Variants in UPK3A observed in about 807,000 individuals in gnomAD.
The protein encoded by UPK3A is uroplakin 3A, also known as uroplakin-3a.
In UPK3A, 32 loss-of-function variants were observed where a neutral mutation model predicts 27.6. The observed-to-expected ratio is 1.16, with a 90% CI of 0.87 to 1.55. The LOEUF (loss-of-function observed/expected upper bound fraction) is 1.55. Among genes scored for constraint, UPK3A ranks in the 40% most tolerant of loss-of-function variants. UPK3A has a pLI of 0.00. For synonymous variants in UPK3A, 171 were observed against 163.9 expected (o/e 1.04, Z -0.33); for missense variants, 370 against 367.9 (o/e 1.01, Z -0.05).
At chr22:45,292,896 A>C (rs1020819223) in intron 4 of UPK3A, among the ~76,000 whole-genome samples, 9 of 151,802 alleles carry the variant, frequency 5.9e-5, no homozygotes, top group African/African-American at 2.2e-4. Context: ...TGACAGAGCA[A>C]GACTCTGTCT....
At chr22:45,288,744 G>A (rs1395544291) in intron 3 of UPK3A, among the ~76,000 whole-genome samples, 1 of 152,248 alleles carries the variant, frequency 6.6e-6, no homozygotes, top group Non-Finnish European at 1.5e-5. Context: ...ACTATGCCAC[G>A]TGTGTTACAT....
chr22:45,295,478 A>G, intron 5 of UPK3A, 82 bp from the exon 6 acceptor site: 1 of 1,434,620 alleles, frequency 7.0e-7, no homozygotes, highest in Non-Finnish European at 9.8e-7. Flanking sequence ...GCTATGTCTG[A>G]GTATGAAGGT....
Position 45,293,399 on chromosome 22 carries a change from G to A in UPK3A, c.704+86G>A, listed in dbSNP as rs538259371. 61 of 1,566,470 alleles carry A rather than the reference G, an allele frequency of 3.9e-5. 1 individual carries two copies. In the South Asian group the frequency reaches 5.4e-4, roughly 14 times the overall value. On this transcript the variant is annotated intron_variant, in intron 5 of 5. Transcript: ENST00000216211. ...CAGGGACTCAGCAGTGGGGTCCTCC[G>A]AGGCAGGGGACAGCCCGGAAGGCAA...
intron 1 of UPK3A, among the ~76,000 whole-genome samples, chr22:45,285,268 GCAAGAGAC>G (rs1351584430): frequency 6.6e-6 from 1 of 152,258 alleles, no homozygotes; most frequent in African/African-American, 2.4e-5. Context: ...GATGTGTGTT[GCAAGAGAC>G]CAACATGCAG....
intron 4 of UPK3A, among the ~76,000 whole-genome samples, chr22:45,292,370 G>A (rs2084167961): frequency 6.6e-6 from 1 of 152,164 alleles, no homozygotes; most frequent in South Asian, 2.1e-4. Context: ...CGCAGTGAGT[G>A]ATCTGCAGAA....
At chr22:45,286,414 C>T (rs562447814) in intron 2 of UPK3A, among the ~76,000 whole-genome samples, 1 of 152,078 alleles carries the variant, frequency 6.6e-6, no homozygotes, top group Admixed American at 6.6e-5. Flanking sequence ...GTGGAATAAC[C>T]CCCCCTGGAC....
chr22:45,287,637 A>G (rs1472930536), intron 3 of UPK3A, among the ~76,000 whole-genome samples, 186 bp downstream of exon 3: 1 of 152,186 alleles, frequency 6.6e-6, no homozygotes, highest in Non-Finnish European at 1.5e-5. Context: ...ACGCTCTGCA[A>G]CTACCGTCTT....
Position 45,287,373 on chromosome 22 carries a change from G to C in UPK3A, c.410G>C (p.Gly137Ala). Residue 137 changes from glycine to alanine, a missense_variant, in exon 3 of 6, where the codon GGT (glycine) becomes GCT (alanine). By Grantham distance (60) the Gly-to-Ala change is moderately conservative (BLOSUM62 0). Transcript: ENST00000216211. Reference protein sequence around the residue: ...QILNAYLVRVGANGTCLWDPN... With the variant: ...QILNAYLVRVAANGTCLWDPN... The stretch of plus-strand genomic sequence containing the variant: ...CTGAATGCCTACCTGGTCAGGGTGG[G>C]TGCCAACGGGACCTGCCTGTGGGAT... 6.2e-7 allele frequency: 1 copy of C among 1,613,654 alleles called. No individual in the cohort carries two copies. Among genetic ancestry groups the C allele is most frequent in the Non-Finnish European group, 8.5e-7 (1 of 1,179,800 alleles).
chr22:45,287,941 G>C (rs1479147870), intron 3 of UPK3A, among the ~76,000 whole-genome samples: 1 of 152,148 alleles, frequency 6.6e-6, no homozygotes, highest in Non-Finnish European at 1.5e-5. Context: ...ATTGGGTTAC[G>C]GGCGTGAGCT....
rs751364966 is a variant in UPK3A, at chr22:45,293,187, C to T, written c.578C>T (p.Pro193Leu). Residue 193 changes from proline (P) to leucine (L), a missense_variant, in exon 5 of 6, where the codon CCA (proline) becomes CTA (leucine). Pro to Leu is a moderately conservative substitution (Grantham distance 98). Coordinates refer to ENST00000216211, the MANE Select transcript of UPK3A (RefSeq NM_006953.4). Reference protein sequence around the residue: ...SDPIRTNQLTPYSTIDTWPGR... With the variant: ...SDPIRTNQLTLYSTIDTWPGR... ...GGGCTGCATCCCACCACAGTCACCC[C>T]ATACTCGACGATCGACACGTGGCCA... is the stretch of plus-strand genomic sequence containing the variant. 13 of 1,613,844 alleles carry T rather than the reference C, an allele frequency of 8.1e-6. 1 individual carries two copies. The highest frequency in any genetic ancestry group is 1.1e-5 in the Non-Finnish European group (13 of 1,180,042).
intron 3 of UPK3A, among the ~76,000 whole-genome samples, chr22:45,287,884 G>A (rs892654409): frequency 6.6e-6 from 1 of 152,128 alleles, no homozygotes; most frequent in Non-Finnish European, 1.5e-5. Flanking sequence ...AGCTGGTCTC[G>A]AACTCCTGAC....
intron 1 of UPK3A, among the ~76,000 whole-genome samples, chr22:45,285,421 C>T (rs939179181): frequency 5.3e-5 from 8 of 152,114 alleles, no homozygotes; most frequent in Admixed American, 3.9e-4. Context: ...TTGGGCTGTC[C>T]TGGGAACTGC....
At chr22:45,289,358 G>A (rs1490937380) in intron 4 of UPK3A, among the ~76,000 whole-genome samples, 6 of 151,802 alleles carry the variant, frequency 4.0e-5, no homozygotes, top group Admixed American at 3.3e-4. Flanking sequence ...GGTGGATCAC[G>A]AGGTCAGGAG....
chr22:45,285,892 G>A, intron 1 of UPK3A, 49 bp from the exon 2 acceptor site: 7 of 1,612,002 alleles, frequency 4.3e-6, no homozygotes, highest in Non-Finnish European at 5.9e-6. Flanking sequence ...CAGAGTGGGT[G>A]TGGACAGTTC....
In UPK3A at chr22:45,289,044, G is replaced by T. The variant is rs1213318019; in HGVS notation, c.489-17G>T. 2 of 1,613,116 alleles carry T rather than the reference G, an allele frequency of 1.2e-6. No homozygotes were observed. The highest frequency in any genetic ancestry group is 1.7e-6 in the Non-Finnish European group (2 of 1,179,832). On this transcript the variant is annotated splice_polypyrimidine_tract_variant and intron_variant, in intron 3 of 5. Coordinates refer to ENST00000216211, the MANE Select transcript of UPK3A (RefSeq NM_006953.4). The stretch of plus-strand genomic sequence containing the variant: ...CACAGGAAGCATAAAAGTCACCCTG[G>T]CTCCGTCTCCTTCCAGGTTCAAGTA...
intron 1 of UPK3A, 53 bp downstream of exon 1, chr22:45,285,118 GC>G: frequency 6.8e-7 from 1 of 1,475,388 alleles, no homozygotes; most frequent in Admixed American, 2.2e-5. Context: ...GGGCAGCTCT[GC>G]CCTGGGGCGC....
At chr22:45,291,765 CGTGGTGT>C (rs2084163481) in intron 4 of UPK3A, among the ~76,000 whole-genome samples, 2 of 63,246 alleles carry the variant, frequency 3.2e-5, no homozygotes, top group Non-Finnish European at 6.6e-5. Flanking sequence ...AGTTGGTATG[CGTGGTGT>C]GTGGTGTGTG....
Position 45,295,838 on chromosome 22 carries a change from C to T in UPK3A, c.*119C>T. ...GAAACAGGGCTTGTCCCTCCAACTG[C>T]AGGAAAACCCTTAATAAAATCTTCT... On this transcript the variant is annotated 3_prime_UTR_variant, in exon 6 of 6. Transcript: ENST00000216211. 8.5e-7 allele frequency: 1 copy of T among 1,177,838 alleles called. No individual in the cohort carries two copies. The highest frequency in any genetic ancestry group is 1.2e-6 in the Non-Finnish European group (1 of 816,424). 73.0% of individuals were successfully genotyped at this position (1,177,838 alleles called of 1,614,324 possible). A position where few individuals can be genotyped will look rare whatever the true frequency, so the allele number is the denominator to read the frequency against.
intron 4 of UPK3A, 67 bp from the exon 5 acceptor site, chr22:45,293,114 C>T (rs554908877): frequency 4.5e-5 from 72 of 1,601,278 alleles, no homozygotes; most frequent in Admixed American, 8.4e-5. Context: ...AGACACCCGC[C>T]GCCTCCTGGG....
Sources: gnomAD v4.1 joint callset for allele counts (sites outside exome capture counted in the v4.1 genomes callset) on GRCh38, gnomAD v4.1.1 for gene constraint, MANE v1.5 for transcripts, NCBI Gene and HGNC (gene_info 2026-07-23, HGNC 2026-07-21) for gene names.